NAE1: variants seen among roughly 807,000 people sequenced by gnomAD.
NAE1 encodes the protein NEDD8-activating enzyme E1 regulatory subunit.
In NAE1, 59 loss-of-function variants were observed where a neutral mutation model predicts 88.0. The observed-to-expected ratio is 0.67, with a 90% CI of 0.54 to 0.83. The LOEUF (loss-of-function observed/expected upper bound fraction) is 0.83. Ranked by LOEUF, NAE1 falls within the 40% of genes least tolerant of loss-of-function variation. The pLI, the probability that NAE1 is intolerant of heterozygous loss-of-function variation, is 0.00. For missense variants in NAE1, 554 were observed against 632.8 expected (o/e 0.88, Z 1.34); for synonymous variants, 186 against 208.9 (o/e 0.89, Z 0.95).
chr16:66,803,313 A>T (rs1225077704), intron 19 of NAE1, among the ~76,000 whole-genome samples, 195 bp from the exon 20 acceptor site: 1 of 152,240 alleles, frequency 6.6e-6, no homozygotes, highest in Non-Finnish European at 1.5e-5. Context: ...AAATCTAAAC[A>T]GTAGTGTGGT....
At chr16:66,803,519 T>C (rs1959437972) in intron 19 of NAE1, among the ~76,000 whole-genome samples, 1 of 152,106 alleles carries the variant, frequency 6.6e-6, no homozygotes, top group Non-Finnish European at 1.5e-5. Context: ...ACAAAAAAAC[T>C]ACTAAGAAAA....
intron 15 of NAE1, among the ~76,000 whole-genome samples, chr16:66,809,941 G>A (rs971155306): frequency 1.3e-5 from 2 of 152,000 alleles, no homozygotes; most frequent in African/African-American, 4.8e-5. Flanking sequence ...TAACCACTCC[G>A]AAACTAGATG....
At chr16:66,826,439 G>C (rs1960466526) in intron 3 of NAE1, 84 bp downstream of exon 3, 1 of 1,266,876 alleles carries the variant, frequency 7.9e-7, no homozygotes, top group Admixed American at 1.8e-5. Context: ...ACTGAGAGTC[G>C]AGTCACCCTG....
intron 16 of NAE1, 145 bp downstream of exon 16, chr16:66,808,844 A>G (rs1312645582): frequency 1.6e-6 from 1 of 617,592 alleles, no homozygotes; most frequent in African/African-American, 1.9e-5. Flanking sequence ...AATTATAATT[A>G]CCTAGATAAG....
chr16:66,816,306 C>T (rs1490264618), intron 11 of NAE1, among the ~76,000 whole-genome samples: 2 of 151,956 alleles, frequency 1.3e-5, no homozygotes, highest in Non-Finnish European at 2.9e-5. Flanking sequence ...GCTGGGATTA[C>T]AGGTATGTTC....
chr16:66,806,338 T>C (rs945073769), intron 17 of NAE1, among the ~76,000 whole-genome samples: 2 of 152,236 alleles, frequency 1.3e-5, no homozygotes, highest in Admixed American at 6.5e-5. Context: ...AGTAATGTCC[T>C]ACTTATACCC....
intron 3 of NAE1, among the ~76,000 whole-genome samples, chr16:66,825,655 C>T (rs1960437454): frequency 6.6e-6 from 1 of 152,066 alleles, no homozygotes; most frequent in African/African-American, 2.4e-5. Context: ...CCACAGACCA[C>T]TCTCGGTGTA....
chr16:66,830,263 C>CAAAAAT (rs372607475), intron 1 of NAE1, among the ~76,000 whole-genome samples: 3 of 151,876 alleles, frequency 2.0e-5, no homozygotes, highest in African/African-American at 7.3e-5. Flanking sequence ...TCTACAAAAA[C>CAAAAAT]AAAAATAAAA....
intron 1 of NAE1, among the ~76,000 whole-genome samples, chr16:66,828,613 G>A (rs1025768633): frequency 6.6e-6 from 1 of 151,920 alleles, no homozygotes; most frequent in Admixed American, 6.6e-5. Context: ...GATCAAGGCT[G>A]TGGTGTGCCA....
At chr16:66,817,605 T>C (rs369457942) in intron 8 of NAE1, 118 bp from the exon 9 acceptor site, 14 of 667,256 alleles carry the variant, frequency 2.1e-5, no homozygotes, top group East Asian at 6.4e-5. Flanking sequence ...GAGTAGTGAA[T>C]AGACGAAAAT....
chr16:66,805,654 AAG>A (rs1214692902), intron 19 of NAE1, 121 bp downstream of exon 19: 5 of 850,676 alleles, frequency 5.9e-6, no homozygotes, highest in South Asian at 5.0e-5. Context: ...AAAAAAAAGA[AAG>A]AAATATAACA....
intron 3 of NAE1, 69 bp downstream of exon 3, chr16:66,826,454 A>G: frequency 1.4e-6 from 2 of 1,417,678 alleles, no homozygotes; most frequent in Admixed American, 1.7e-5. Flanking sequence ...ACCCTGACTG[A>G]GGAGGTGAAG....
At chr16:66,817,880 T>A (rs947817282) in intron 8 of NAE1, among the ~76,000 whole-genome samples, 1 of 152,180 alleles carries the variant, frequency 6.6e-6, no homozygotes, top group Non-Finnish European at 1.5e-5. Context: ...TAGTGTTATG[T>A]CATTATTTCT....
intron 4 of NAE1, 25 bp from the exon 5 acceptor site, chr16:66,823,625 T>C (rs1169549020): frequency 6.3e-7 from 1 of 1,576,094 alleles, no homozygotes; most frequent in African/African-American, 1.4e-5. Context: ...AGCATTTAAC[T>C]TGAATTAGAA....
chr16:66,819,613 T>C (rs984423493), intron 7 of NAE1, among the ~76,000 whole-genome samples: 1 of 152,212 alleles, frequency 6.6e-6, no homozygotes, highest in African/African-American at 2.4e-5. Context: ...TTTGGTATAT[T>C]TGCAAATACA....
Position 66,807,627 on chromosome 16 carries a change from G to A in NAE1, c.1330+894C>T, listed in dbSNP as rs193150496. The stretch of plus-strand genomic sequence containing the variant: ...TGCACTCCAGCCTGGGCGACAGAGC[G>A]AGACTCCGTCTCAAAAGAAAAAAAA... On this transcript the variant is annotated intron_variant, in intron 17 of 19. Transcript: ENST00000290810. Among the ~76,000 whole-genome samples the A allele has an allele frequency of 6.8e-5, 10 of 146,674 alleles. No homozygotes were observed. In the East Asian group the frequency reaches 8.4e-4, roughly 12 times the overall value.
intron 6 of NAE1, among the ~76,000 whole-genome samples, chr16:66,822,772 C>A (rs1410393108): frequency 2.7e-5 from 4 of 149,298 alleles, no homozygotes; most frequent in South Asian, 2.1e-4. Flanking sequence ...CTGATTCAAG[C>A]GATTCTCTTG....
chr16:66,823,285 T>C lies in NAE1; in HGVS notation c.343A>G (p.Asn115Asp), dbSNP rs1365832062. 1.2e-6 allele frequency: 2 copies of C among 1,603,700 alleles called. No individual in the cohort carries two copies. Among genetic ancestry groups the C allele is most frequent in the Non-Finnish European group, 1.7e-6 (2 of 1,176,858 alleles). Reference sequence around the variant, plus strand: ...AACCTACAGAAAAATGAGGGATCATTGTCTAGAAGGTTTTCTGGACTCTAA... The same window carrying C: ...AACCTACAGAAAAATGAGGGATCATCGTCTAGAAGGTTTTCTGGACTCTAA... ...VEESPENLLD[N>D]DPSFFCRFTV... The change falls in exon 6 of 20, where the codon AAT becomes GAT. Residue 115 changes from asparagine to aspartate, a missense_variant. Coordinates refer to ENST00000290810, the MANE Select transcript of NAE1 (RefSeq NM_003905.4).
rs192413123 is a variant in NAE1 at position 66,815,765 on chromosome 16, G to A, written c.840+816C>T. ...CAATCTCCACCTCCCAGGTTCAAGC[G>A]GTTCTCCTGCCTCAGCCTCCCAAGC... On this transcript the variant is annotated intron_variant, in intron 11 of 19. Transcript: ENST00000290810. Among the ~76,000 whole-genome samples, 72 of 151,776 alleles carry A rather than the reference G, an allele frequency of 4.7e-4. 1 individual carries two copies. The East Asian group carries it at 0.011, about 24-fold the overall frequency.
Sources: gnomAD v4.1 joint callset for allele counts (sites outside exome capture counted in the v4.1 genomes callset) on GRCh38, gnomAD v4.1.1 for gene constraint, MANE v1.5 for transcripts, NCBI Gene and HGNC (gene_info 2026-07-23, HGNC 2026-07-21) for gene names.